The following CNTNAP2 variants were observed in gnomAD, a reference collection of about 807,000 sequenced individuals.
CNTNAP2 encodes the protein contactin-associated protein-like 2.
CNTNAP2 carries 98 observed loss-of-function variants against 155.2 expected under a neutral mutation model. The ratio of observed to expected loss-of-function variants is 0.63; its 90% CI spans 0.54 to 0.75. The LOEUF (loss-of-function observed/expected upper bound fraction) is 0.75, where lower values mean the gene tolerates loss of function less well. Among genes scored for constraint, CNTNAP2 ranks in the 30% least tolerant of loss-of-function variants. CNTNAP2 has a pLI of 0.00. For synonymous variants in CNTNAP2, 651 were observed against 631.2 expected (o/e 1.03, Z -0.47); for missense variants, 1,727 against 1,688.1 (o/e 1.02, Z -0.40).
chr7:148,063,530 T>C (rs897071451), intron 15 of CNTNAP2, among the ~76,000 whole-genome samples: 1 of 151,748 alleles, frequency 6.6e-6, no homozygotes, highest in East Asian at 1.9e-4. Flanking sequence ...TCTAATCTTT[T>C]CTTCTGTAGT....
At chr7:146,407,823 C>A (rs535476171) in intron 1 of CNTNAP2, among the ~76,000 whole-genome samples, 1 of 152,184 alleles carries the variant, frequency 6.6e-6, no homozygotes, top group Admixed American at 6.5e-5. Context: ...CCTCTTTCCA[C>A]TCCTGCCCAG....
intron 10 of CNTNAP2, among the ~76,000 whole-genome samples, chr7:147,469,532 T>TC (rs869043776): frequency 1.3e-5 from 1 of 78,144 alleles, no homozygotes; most frequent in South Asian, 3.2e-4. Context: ...TTTTTTTTTT[T>TC]CTGTGAGACA....
chr7:146,788,057 G>T (rs911609468), intron 2 of CNTNAP2, among the ~76,000 whole-genome samples: 2 of 152,188 alleles, frequency 1.3e-5, no homozygotes, highest in Non-Finnish European at 1.5e-5. Context: ...AGCCCAGCTG[G>T]CTTCACCTCT....
intron 1 of CNTNAP2, among the ~76,000 whole-genome samples, chr7:146,194,499 C>T (rs945630182): frequency 7.2e-5 from 11 of 152,228 alleles, no homozygotes; most frequent in South Asian, 2.1e-4. Context: ...GACCTATCCC[C>T]GTGAGTCAAT....
At chr7:147,017,367 A>AT (rs71165061) in intron 3 of CNTNAP2, among the ~76,000 whole-genome samples, 92,318 of 151,642 alleles carry the variant, frequency 0.61, 29,379 homozygotes, top group African/African-American at 0.8. Flanking sequence ...AAAATACTGC[A>AT]TTTTTTTACT....
At chr7:146,707,405 G>A (rs550141087) in intron 1 of CNTNAP2, among the ~76,000 whole-genome samples, 60 of 152,202 alleles carry the variant, frequency 3.9e-4, no homozygotes, top group African/African-American at 1.4e-3. Flanking sequence ...ATGACTACAT[G>A]TTGAACACAT....
intron 12 of CNTNAP2, among the ~76,000 whole-genome samples, chr7:147,635,311 A>G (rs1795159736): frequency 6.6e-6 from 1 of 151,868 alleles, no homozygotes; most frequent in Non-Finnish European, 1.5e-5. Context: ...TAACTTTGAG[A>G]CAGGGTCTTG....
At chr7:146,742,761 G>T (rs916829959) in intron 1 of CNTNAP2, among the ~76,000 whole-genome samples, 1 of 152,072 alleles carries the variant, frequency 6.6e-6, no homozygotes, top group Non-Finnish European at 1.5e-5. Flanking sequence ...CAGTTTAAAC[G>T]ATTAGTACTG....
chr7:147,542,463 C>T (rs1171103198), intron 11 of CNTNAP2, among the ~76,000 whole-genome samples: 1 of 152,164 alleles, frequency 6.6e-6, no homozygotes, highest in Non-Finnish European at 1.5e-5. Flanking sequence ...CTCCCTGAGA[C>T]TTAGCATCTT....
intron 1 of CNTNAP2, among the ~76,000 whole-genome samples, chr7:146,578,021 T>C (rs1047772640): frequency 6.6e-6 from 1 of 152,120 alleles, no homozygotes; most frequent in African/African-American, 2.4e-5. Context: ...CTAGTCTCCA[T>C]AGACAATCAT....
At chr7:146,352,694 T>TA (rs35712482) in intron 1 of CNTNAP2, among the ~76,000 whole-genome samples, 48,790 of 124,354 alleles carry the variant, frequency 0.39, 9,251 homozygotes, top group Admixed American at 0.52. Context: ...ACAACTGAGG[T>TA]AAAAAAAAAT....
chr7:146,402,823 A>G (rs1242501543), intron 1 of CNTNAP2, among the ~76,000 whole-genome samples: 1 of 152,172 alleles, frequency 6.6e-6, no homozygotes, highest in African/African-American at 2.4e-5. Flanking sequence ...AAGTTTTTAT[A>G]GATATGAATC....
intron 4 of CNTNAP2, among the ~76,000 whole-genome samples, chr7:147,074,933 A>G (rs1799967072): frequency 6.6e-6 from 1 of 152,104 alleles, no homozygotes. Flanking sequence ...ATTAGACAAT[A>G]CATTTATAAC....
At chr7:146,117,227 C>G (rs1022348114) in intron 1 of CNTNAP2, 1 of 539,206 alleles carries the variant, frequency 1.9e-6, no homozygotes, top group African/African-American at 1.9e-5. Context: ...TTGGCAAGAG[C>G]TTGGCTAGAG....
intron 21 of CNTNAP2, among the ~76,000 whole-genome samples, chr7:148,330,202 G>T (rs1365530072): frequency 6.6e-6 from 1 of 150,740 alleles, no homozygotes; most frequent in Non-Finnish European, 1.5e-5. Context: ...TGGGTGGATG[G>T]AGTGGATGGA....
At chr7:147,064,062 C>T (rs1475807207) in intron 4 of CNTNAP2, among the ~76,000 whole-genome samples, 2 of 152,060 alleles carry the variant, frequency 1.3e-5, no homozygotes, top group African/African-American at 2.4e-5. Flanking sequence ...GCACTGTTTG[C>T]AATCTTTAAC....
intron 8 of CNTNAP2, among the ~76,000 whole-genome samples, chr7:147,181,076 A>G (rs1056524806): frequency 6.6e-6 from 1 of 152,216 alleles, no homozygotes; most frequent in African/African-American, 2.4e-5. Context: ...AGGTGGGAAT[A>G]GTATATGCAT....
intron 13 of CNTNAP2, among the ~76,000 whole-genome samples, chr7:147,792,772 G>A (rs892880125): frequency 5.3e-4 from 81 of 152,192 alleles, no homozygotes; most frequent in African/African-American, 1.8e-3. Context: ...TTGAGGAACT[G>A]CCAGACTGTT....
chr7:147,532,423 A>G (rs910667726), intron 11 of CNTNAP2, among the ~76,000 whole-genome samples: 1 of 152,160 alleles, frequency 6.6e-6, no homozygotes, highest in African/African-American at 2.4e-5. Flanking sequence ...TGTCACTATC[A>G]GCATTTTGGA....
Sources: gnomAD v4.1 joint callset for allele counts (sites outside exome capture counted in the v4.1 genomes callset) on GRCh38, gnomAD v4.1.1 for gene constraint, MANE v1.5 for transcripts, NCBI Gene and HGNC (gene_info 2026-07-23, HGNC 2026-07-21) for gene names.